ZFAT: variants seen among roughly 807,000 people sequenced by gnomAD.
ZFAT encodes the protein zinc finger and AT-hook domain containing, also known as zinc finger protein ZFAT.
A neutral mutation model predicts 117.7 loss-of-function variants in ZFAT; 64 were observed. That is an observed-to-expected ratio of 0.54 (90% CI 0.44 to 0.67). ZFAT has a LOEUF of 0.67. Ranked by LOEUF, ZFAT falls within the 30% of genes least tolerant of loss-of-function variation. The probability of loss-of-function intolerance (pLI) is 0.00; values close to 1 mark genes in which losing one functional copy is unlikely to be tolerated. For synonymous variants in ZFAT, 679 were observed against 615.0 expected (o/e 1.10, Z -1.54); for missense variants, 1,433 against 1,584.5 (o/e 0.90, Z 1.62).
At chr8:134,750,187 C>A in the ZFAT span, among the ~76,000 whole-genome samples, 2 of 152,024 alleles carry the variant, frequency 1.3e-5, no homozygotes, top group African/African-American at 4.8e-5. Context: ...CCTTTAGAGG[C>A]CTTCTGCATC....
chr8:134,619,549 T>C (rs769284019), intron 3 of ZFAT, among the ~76,000 whole-genome samples: 3 of 152,174 alleles, frequency 2.0e-5, no homozygotes, highest in Non-Finnish European at 4.4e-5. Flanking sequence ...CTTGTTTGTC[T>C]CCCCTAGATG....
chr8:134,501,159 G>A (rs1226679587), intron 15 of ZFAT, among the ~76,000 whole-genome samples: 1 of 152,156 alleles, frequency 6.6e-6, no homozygotes, highest in African/African-American at 2.4e-5. Flanking sequence ...TGGATTATAG[G>A]TATCTATTAG....
At chr8:134,682,834 G>A (rs1833135825) in intron 1 of ZFAT, among the ~76,000 whole-genome samples, 1 of 152,130 alleles carries the variant, frequency 6.6e-6, no homozygotes, top group African/African-American at 2.4e-5. Context: ...ACACACTCAG[G>A]CTGTAAGCCT....
the ZFAT span, among the ~76,000 whole-genome samples, chr8:134,776,336 C>T: frequency 3.9e-5 from 6 of 152,180 alleles, no homozygotes; most frequent in Admixed American, 3.3e-4. Flanking sequence ...CAGGGTCTTG[C>T]TCTGTCACCC....
At chr8:134,558,128 T>C (rs1279645714) in intron 11 of ZFAT, among the ~76,000 whole-genome samples, 1 of 152,220 alleles carries the variant, frequency 6.6e-6, no homozygotes, top group African/African-American at 2.4e-5. Context: ...AAGGTAATTC[T>C]GATGTTGACT....
At chr8:134,758,169 T>C in the ZFAT span, among the ~76,000 whole-genome samples, 1 of 152,084 alleles carries the variant, frequency 6.6e-6, no homozygotes, top group African/African-American at 2.4e-5. Context: ...CCTGAGACCA[T>C]CCAGCAGAAA....
chr8:134,584,295 T>A (rs549235412), intron 9 of ZFAT, among the ~76,000 whole-genome samples: 6 of 152,242 alleles, frequency 3.9e-5, no homozygotes, highest in African/African-American at 1.4e-4. Flanking sequence ...TTTCCCTGCC[T>A]CCCTATCAAT....
intron 7 of ZFAT, among the ~76,000 whole-genome samples, chr8:134,597,113 G>A (rs555457520): frequency 2.6e-4 from 39 of 151,670 alleles, no homozygotes; most frequent in African/African-American, 7.7e-4. Context: ...TTGAAAATAC[G>A]GAATTCTATT....
At chr8:134,646,013 C>A (rs1202574094) in intron 2 of ZFAT, among the ~76,000 whole-genome samples, 1 of 151,822 alleles carries the variant, frequency 6.6e-6, no homozygotes, top group East Asian at 1.9e-4. Context: ...ACCATCCTGG[C>A]CAACACAGTG....
chr8:134,769,929 C>T, the ZFAT span, among the ~76,000 whole-genome samples: 1 of 152,340 alleles, frequency 6.6e-6, no homozygotes, highest in Non-Finnish European at 1.5e-5. Flanking sequence ...TCTATGTTGA[C>T]CCCTTTCAGC....
chr8:134,607,256 G>T (rs1414275708), intron 5 of ZFAT, among the ~76,000 whole-genome samples: 1 of 152,112 alleles, frequency 6.6e-6, no homozygotes, highest in Non-Finnish European at 1.5e-5. Flanking sequence ...ATTCTATTAT[G>T]AATTCACCAA....
intron 8 of ZFAT, among the ~76,000 whole-genome samples, chr8:134,588,736 G>T (rs1826242273): frequency 6.6e-6 from 1 of 152,142 alleles, no homozygotes; most frequent in African/African-American, 2.4e-5. Context: ...ACAAGAAACA[G>T]AAACATAATG....
the ZFAT span, among the ~76,000 whole-genome samples, chr8:134,812,501 C>T: frequency 2.0e-5 from 3 of 152,164 alleles, no homozygotes; most frequent in Non-Finnish European, 2.9e-5. Context: ...GAGGCCAAGG[C>T]GGGCAAATCA....
At chr8:134,805,811 A>G in the ZFAT span, among the ~76,000 whole-genome samples, 11 of 151,824 alleles carry the variant, frequency 7.2e-5, no homozygotes, top group Non-Finnish European at 1.0e-4. Context: ...GCAAAACCCT[A>G]CCTCTAAAAA....
intron 3 of ZFAT, among the ~76,000 whole-genome samples, chr8:134,634,069 CA>C (rs1455217496): frequency 7.4e-5 from 5 of 67,896 alleles, no homozygotes; most frequent in Admixed American, 5.7e-4. Context: ...CAAAACAAAA[CA>C]AACAACAACA....
At chr8:134,809,198 C>A in the ZFAT span, among the ~76,000 whole-genome samples, 1 of 152,212 alleles carries the variant, frequency 6.6e-6, no homozygotes. Context: ...CTCTCCTAAC[C>A]AGCAGCGTCA....
intron 11 of ZFAT, among the ~76,000 whole-genome samples, chr8:134,563,019 A>G (rs1206123725): frequency 6.6e-6 from 1 of 152,236 alleles, no homozygotes; most frequent in Non-Finnish European, 1.5e-5. Context: ...TAATTTTCTC[A>G]CCTCTAAAGT....
At chr8:134,644,812 C>T (rs116915736) in intron 2 of ZFAT, among the ~76,000 whole-genome samples, 16 of 152,084 alleles carry the variant, frequency 1.1e-4, no homozygotes, top group Non-Finnish European at 1.6e-4. Flanking sequence ...CACTCGCATG[C>T]GCACATATAC....
chr8:134,590,198 A>G, intron 8 of ZFAT, 70 bp downstream of exon 8: 1 of 1,269,536 alleles, frequency 7.9e-7, no homozygotes. Context: ...CAGTTAATGT[A>G]AAACATTGTT....
Sources: gnomAD v4.1 joint callset for allele counts (sites outside exome capture counted in the v4.1 genomes callset) on GRCh38, gnomAD v4.1.1 for gene constraint, MANE v1.5 for transcripts, NCBI Gene and HGNC (gene_info 2026-07-23, HGNC 2026-07-21) for gene names.